HSD17B12: variants seen among roughly 807,000 people sequenced by gnomAD.
HSD17B12 encodes hydroxysteroid 17-beta dehydrogenase 12.
In HSD17B12, 32 loss-of-function variants were observed where a neutral mutation model predicts 39.3. That is an observed-to-expected ratio of 0.81 (90% CI 0.61 to 1.09). HSD17B12 has a LOEUF of 1.09. Ranked by LOEUF, HSD17B12 falls within the 50% of genes least tolerant of loss-of-function variation. The pLI is 0.00. For missense variants in HSD17B12, 342 were observed against 382.9 expected (o/e 0.89, Z 0.89); for synonymous variants, 150 against 146.7 (o/e 1.02, Z -0.16).
At chr11:43,735,222 G>T (rs1950305999) in intron 1 of HSD17B12, among the ~76,000 whole-genome samples, 5 of 152,168 alleles carry the variant, frequency 3.3e-5, no homozygotes. Context: ...CAGTGGTGCT[G>T]TTAGGAACAT....
intron 3 of HSD17B12, among the ~76,000 whole-genome samples, chr11:43,768,318 A>G (rs868786419): frequency 6.6e-6 from 1 of 152,208 alleles, no homozygotes; most frequent in Non-Finnish European, 1.5e-5. Context: ...TAATTGATAT[A>G]TACAATAATT....
At chr11:43,660,446 G>C in the HSD17B12 span, among the ~76,000 whole-genome samples, 1 of 141,902 alleles carries the variant, frequency 7.0e-6, no homozygotes, top group Non-Finnish European at 1.6e-5. Flanking sequence ...TTACAGCAAA[G>C]ATCATGCTGT....
chr11:43,651,341 A>G, the HSD17B12 span, among the ~76,000 whole-genome samples: 2 of 152,224 alleles, frequency 1.3e-5, no homozygotes, highest in African/African-American at 4.8e-5. Context: ...CCTCACTCCA[A>G]GAAGAGAAGA....
intron 3 of HSD17B12, among the ~76,000 whole-genome samples, chr11:43,782,674 C>CAAGAAAA (rs1950777553): frequency 9.6e-6 from 1 of 104,304 alleles, no homozygotes. Flanking sequence ...GACTCTGTCT[C>CAAGAAAA]AAAAAAAAAA....
the HSD17B12 span, among the ~76,000 whole-genome samples, chr11:43,673,813 A>G: frequency 6.6e-6 from 1 of 152,150 alleles, no homozygotes; most frequent in Non-Finnish European, 1.5e-5. Context: ...CCCAGCCTTT[A>G]GTCATTTTTT....
intron 3 of HSD17B12, among the ~76,000 whole-genome samples, chr11:43,762,432 T>C (rs1950562617): frequency 6.6e-6 from 1 of 152,232 alleles, no homozygotes; most frequent in Non-Finnish European, 1.5e-5. Context: ...GCATCAGTAA[T>C]AGCCAAGAGT....
chr11:43,708,675 GT>G (rs762246739), intron 1 of HSD17B12, among the ~76,000 whole-genome samples: 4 of 152,158 alleles, frequency 2.6e-5, no homozygotes, highest in Non-Finnish European at 5.9e-5. Flanking sequence ...TTGTATGTAG[GT>G]TACTCTGTGC....
chr11:43,601,781 C>G, the HSD17B12 span, among the ~76,000 whole-genome samples: 1 of 152,190 alleles, frequency 6.6e-6, no homozygotes, highest in African/African-American at 2.4e-5. Flanking sequence ...TCAGTTATTT[C>G]CACTGCTTCC....
the HSD17B12 span, among the ~76,000 whole-genome samples, chr11:43,631,159 G>T: frequency 6.6e-6 from 1 of 152,244 alleles, no homozygotes; most frequent in African/African-American, 2.4e-5. Context: ...CAGGGCTGTT[G>T]GTTTCTTGGA....
At chr11:43,785,549 A>G (rs1474869399) in intron 3 of HSD17B12, among the ~76,000 whole-genome samples, 1 of 152,170 alleles carries the variant, frequency 6.6e-6, no homozygotes, top group Non-Finnish European at 1.5e-5. Context: ...TTGCATATCT[A>G]CTTCTGCATT....
chr11:43,734,888 C>T (rs1003744778), intron 1 of HSD17B12, among the ~76,000 whole-genome samples: 12 of 152,146 alleles, frequency 7.9e-5, no homozygotes, highest in Admixed American at 6.5e-4. Context: ...GTATTTCTAC[C>T]ACCCCAAAAG....
At chr11:43,682,988 C>T (rs921576995) in intron 1 of HSD17B12, among the ~76,000 whole-genome samples, 1 of 151,866 alleles carries the variant, frequency 6.6e-6, no homozygotes, top group Non-Finnish European at 1.5e-5. Context: ...GACAAGGCCT[C>T]ACTCTGTTTC....
At chr11:43,776,845 C>G (rs992952477) in intron 3 of HSD17B12, among the ~76,000 whole-genome samples, 4 of 152,094 alleles carry the variant, frequency 2.6e-5, no homozygotes, top group African/African-American at 7.3e-5. Flanking sequence ...TTTCCCAGCA[C>G]CATTTATTAA....
intron 9 of HSD17B12, among the ~76,000 whole-genome samples, chr11:43,847,889 G>C (rs1951492797): frequency 6.6e-6 from 1 of 151,956 alleles, no homozygotes; most frequent in Non-Finnish European, 1.5e-5. Flanking sequence ...AAACAAATAG[G>C]ACAAATTGAG....
chr11:43,832,667 G>A (rs1951323652), intron 7 of HSD17B12, among the ~76,000 whole-genome samples: 1 of 152,168 alleles, frequency 6.6e-6, no homozygotes, highest in Admixed American at 6.5e-5. Flanking sequence ...AAAAAGGAGA[G>A]TCCATCCATT....
intron 4 of HSD17B12, among the ~76,000 whole-genome samples, chr11:43,799,197 T>C (rs1170957494): frequency 6.6e-6 from 1 of 152,048 alleles, no homozygotes; most frequent in African/African-American, 2.4e-5. Flanking sequence ...AAATACACTG[T>C]ATAGATCCGA....
the HSD17B12 span, among the ~76,000 whole-genome samples, chr11:43,652,593 C>T: frequency 6.6e-6 from 1 of 152,156 alleles, no homozygotes; most frequent in Admixed American, 6.5e-5. Flanking sequence ...ATAGGGTTCC[C>T]ATGACCCCCT....
At chr11:43,611,210 A>T in the HSD17B12 span, among the ~76,000 whole-genome samples, 1 of 152,194 alleles carries the variant, frequency 6.6e-6, no homozygotes, top group East Asian at 1.9e-4. Context: ...TATCATTTTT[A>T]AAAAGGTATA....
At chr11:43,657,254 G>A in the HSD17B12 span, among the ~76,000 whole-genome samples, 3 of 152,006 alleles carry the variant, frequency 2.0e-5, no homozygotes, top group Non-Finnish European at 4.4e-5. Context: ...CATTTACTTG[G>A]TAGATCTTCC....
Sources: allele counts gnomAD v4.1 joint callset (sites outside exome capture counted in the v4.1 genomes callset), GRCh38; gene constraint gnomAD v4.1.1; transcripts MANE v1.5; gene names NCBI Gene and HGNC (gene_info 2026-07-23, HGNC 2026-07-21).